TCF12: variants seen among roughly 807,000 people sequenced by gnomAD.
TCF12 encodes DNA-binding protein HTF4.
TCF12 carries 45 observed loss-of-function variants against 86.0 expected under a neutral mutation model. The ratio of observed to expected loss-of-function variants is 0.52; its 90% CI spans 0.41 to 0.67. The LOEUF is 0.67. Ranked by LOEUF, TCF12 falls within the 30% of genes least tolerant of loss-of-function variation. TCF12 has a pLI of 0.00. For synonymous variants in TCF12, 330 were observed against 299.6 expected (o/e 1.10, Z -1.05); for missense variants, 881 against 859.9 (o/e 1.02, Z -0.31).
intron 3 of TCF12, among the ~76,000 whole-genome samples, chr15:57,052,787 G>C (rs1433414003): frequency 6.6e-6 from 1 of 152,208 alleles, no homozygotes; most frequent in Non-Finnish European, 1.5e-5. Flanking sequence ...CAGAGTAAGA[G>C]CTGAATGTGG....
At chr15:56,951,569 ATTC>A (rs1357434351) in intron 3 of TCF12, among the ~76,000 whole-genome samples, 1 of 152,110 alleles carries the variant, frequency 6.6e-6, no homozygotes, top group Non-Finnish European at 1.5e-5. Flanking sequence ...TTATCAGGTT[ATTC>A]TTTTATGGAT....
intron 19 of TCF12, among the ~76,000 whole-genome samples, chr15:57,280,373 T>G (rs951343923): frequency 1.3e-5 from 2 of 152,190 alleles, no homozygotes; most frequent in Non-Finnish European, 2.9e-5. Flanking sequence ...TCATCCTCCT[T>G]ATAGTTGTAT....
At chr15:57,232,242 A>G in intron 9 of TCF12, 49 bp from the exon 10 acceptor site, 1 of 1,606,894 alleles carries the variant, frequency 6.2e-7, no homozygotes, top group Non-Finnish European at 8.5e-7. Context: ...ATCAAAATAC[A>G]AGAAAATTTT....
rs1428691627 is a variant in TCF12, at chr15:57,272,893, T to G, written c.1746-137T>G. The G allele has an allele frequency of 3.8e-6, 3 of 782,908 alleles. No homozygotes were observed. The African/African-American group carries it at 5.2e-5, about 14-fold the overall frequency. 48.5% of individuals were successfully genotyped at this position (782,908 alleles called of 1,614,324 possible). On this transcript the variant is annotated intron_variant, in intron 18 of 20. Transcript: ENST00000333725. ...ATTTGAAAGGAATATACAGTCATGT[T>G]AACTGCACCTATTACAACTGTTTAC...
intron 20 of TCF12, 97 bp downstream of exon 20, chr15:57,282,695 G>T: frequency 7.1e-7 from 1 of 1,405,158 alleles, no homozygotes; most frequent in South Asian, 1.4e-5. Context: ...AGTGAGCAGT[G>T]GCCATTGTAA....
chr15:57,091,952 T>TA, intron 5 of TCF12, 61 bp downstream of exon 5: 1 of 1,427,316 alleles, frequency 7.0e-7, no homozygotes. Context: ...AGACATTTTT[T>TA]ATCCCTTTGT....
At chr15:56,971,017 A>T (rs1267161393) in intron 3 of TCF12, among the ~76,000 whole-genome samples, 1 of 152,194 alleles carries the variant, frequency 6.6e-6, no homozygotes. Flanking sequence ...ACTGCACTCC[A>T]GTCTGGGCGA....
chr15:57,078,136 AT>A (rs1940982052), intron 4 of TCF12, among the ~76,000 whole-genome samples: 1 of 152,114 alleles, frequency 6.6e-6, no homozygotes, highest in Non-Finnish European at 1.5e-5. Context: ...AATATGTTTC[AT>A]TTTGCTTTAG....
At chr15:57,143,004 G>A (rs2053093418) in intron 5 of TCF12, among the ~76,000 whole-genome samples, 1 of 152,050 alleles carries the variant, frequency 6.6e-6, no homozygotes, top group African/African-American at 2.4e-5. Flanking sequence ...ATAACTAAAA[G>A]AGTATATTTG....
At chr15:57,136,348 T>G (rs1408730818) in intron 5 of TCF12, among the ~76,000 whole-genome samples, 1 of 152,222 alleles carries the variant, frequency 6.6e-6, no homozygotes, top group Non-Finnish European at 1.5e-5. Flanking sequence ...TGGGAGGCCA[T>G]GTTTTCTTTT....
intron 3 of TCF12, among the ~76,000 whole-genome samples, chr15:56,960,258 AT>A (rs1263957348): frequency 6.6e-6 from 1 of 152,110 alleles, no homozygotes; most frequent in Admixed American, 6.5e-5. Context: ...ACCTTATGGA[AT>A]TTGGTTTAGT....
Position 57,263,208 on chromosome 15 carries a change from A to T in TCF12, c.1679A>T (p.Asp560Val). 6.2e-7 allele frequency: 1 copy of T among 1,613,148 alleles called. No homozygotes were observed. Among genetic ancestry groups the T allele is most frequent in the Non-Finnish European group, 8.5e-7 (1 of 1,179,618 alleles). Reference protein sequence around the residue: ...DENLHEPPSSDDMKSDDESSQ... With the variant: ...DENLHEPPSSVDMKSDDESSQ... Reference sequence around the variant, plus strand: ...AACCTTCATGAACCTCCTTCATCAGATGACATGAAGTCAGATGATGAATCC... The same window carrying T: ...AACCTTCATGAACCTCCTTCATCAGTTGACATGAAGTCAGATGATGAATCC... The change falls in exon 18 of 21, where the codon GAT becomes GTT. Residue 560 changes from aspartate to valine, a missense_variant. By Grantham distance (152) the Asp-to-Val change is radical. Coordinates refer to ENST00000333725, the MANE Select transcript of TCF12 (RefSeq NM_207037.2).
chr15:57,184,968 T>G (rs2056580675), intron 6 of TCF12, among the ~76,000 whole-genome samples: 1 of 152,244 alleles, frequency 6.6e-6, no homozygotes, highest in African/African-American at 2.4e-5. Context: ...GTTATTATTT[T>G]AATGGAGACT....
Position 57,121,944 on chromosome 15 carries a change from T to G in TCF12, c.325+30053T>G, listed in dbSNP as rs2051264363. On this transcript the variant is annotated intron_variant, in intron 5 of 20. Coordinates refer to ENST00000333725, the MANE Select transcript of TCF12 (RefSeq NM_207037.2). The stretch of plus-strand genomic sequence containing the variant: ...TGTCCTTGCCATATTTTTATGATGG[T>G]GAGTGAACACAGTATACCTATGGGT... Among the ~76,000 whole-genome samples, 3 of 152,176 alleles carry G rather than the reference T, an allele frequency of 2.0e-5. No individual in the cohort carries two copies. In the South Asian group the frequency reaches 6.2e-4, roughly 32 times the overall value.
Position 57,192,302 on chromosome 15 carries a change from A to G in TCF12, c.526+9A>G. On this transcript the variant is annotated intron_variant, in intron 7 of 20. Transcript: ENST00000333725. ...TGACTCTGCAGCGCTTGGTGAGTGT[A>G]TCACACAACAAATCCCATCCCACAT... 6.2e-7 allele frequency: 1 copy of G among 1,613,432 alleles called. No individual in the cohort carries two copies. Among genetic ancestry groups the G allele is most frequent in the Non-Finnish European group, 8.5e-7 (1 of 1,179,708 alleles).
At chr15:57,085,018 A>G (rs1300790933) in intron 4 of TCF12, among the ~76,000 whole-genome samples, 2 of 152,128 alleles carry the variant, frequency 1.3e-5, no homozygotes, top group Admixed American at 6.6e-5. Flanking sequence ...TATCCAGCAT[A>G]TTTTTTGAAT....
At chr15:56,924,023 G>C (rs1010766157) in intron 3 of TCF12, among the ~76,000 whole-genome samples, 1 of 151,598 alleles carries the variant, frequency 6.6e-6, no homozygotes, top group Non-Finnish European at 1.5e-5. Context: ...ATCTTTTTTT[G>C]TGGGGCGGGG....
At chr15:57,131,647 C>T (rs16977249) in intron 5 of TCF12, among the ~76,000 whole-genome samples, 1 of 152,106 alleles carries the variant, frequency 6.6e-6, no homozygotes, top group African/African-American at 2.4e-5. Context: ...TTGGAACTGG[C>T]ACATTTGATC....
chr15:56,998,192 C>T (rs1345158946), intron 3 of TCF12, among the ~76,000 whole-genome samples: 1 of 152,158 alleles, frequency 6.6e-6, no homozygotes, highest in Non-Finnish European at 1.5e-5. Context: ...CGTTGTAGCT[C>T]ATGCCTGTAA....
Sources: allele counts gnomAD v4.1 joint callset (sites outside exome capture counted in the v4.1 genomes callset), GRCh38; gene constraint gnomAD v4.1.1; transcripts MANE v1.5; gene names NCBI Gene and HGNC (gene_info 2026-07-23, HGNC 2026-07-21).